YY1: variants seen among roughly 807,000 people sequenced by gnomAD.
YY1 encodes the protein transcriptional repressor protein YY1.
A neutral mutation model predicts 35.6 loss-of-function variants in YY1; 2 were observed. That is an observed-to-expected ratio of 0.06 (90% confidence interval 0.02 to 0.18). The LOEUF is 0.18. Ranked by LOEUF, YY1 falls within the 10% of genes least tolerant of loss-of-function variation. The pLI, the probability that YY1 is intolerant of heterozygous loss-of-function variation, is 1.00. For missense variants in YY1, 322 were observed against 573.4 expected (o/e 0.56, Z 4.48); for synonymous variants, 268 against 238.9 (o/e 1.12, Z -1.12).
At chr14:100,251,936 TAATA>T (rs1890931412) in intron 1 of YY1, among the ~76,000 whole-genome samples, 1 of 152,186 alleles carries the variant, frequency 6.6e-6, no homozygotes, top group Non-Finnish European at 1.5e-5. Flanking sequence ...CCTCATTGTT[TAATA>T]AATGAGGAAA....
At chr14:100,275,058 C>T (rs574992929) in intron 3 of YY1, among the ~76,000 whole-genome samples, 1 of 152,216 alleles carries the variant, frequency 6.6e-6, no homozygotes, top group East Asian at 1.9e-4. Flanking sequence ...TGGGTTGTGT[C>T]TCACCTATTG....
rs144044002 is a variant in YY1, at chr14:100,254,387, T to C, written c.680-7917T>C. ...CAAATATTGTCCTTTTGATTTCTTC[T>C]GGCAACAAAAGCCAGTGTCTTTTGT... On this transcript the variant is annotated intron_variant, in intron 1 of 4. Transcript: ENST00000262238. Among the ~76,000 whole-genome samples the C allele has an allele frequency of 5.3e-5, 8 of 152,362 alleles. No homozygotes were observed. In the East Asian group the frequency reaches 1.5e-3, roughly 29 times the overall value.
At chr14:100,251,952 C>A (rs1890931600) in intron 1 of YY1, among the ~76,000 whole-genome samples, 1 of 152,112 alleles carries the variant, frequency 6.6e-6, no homozygotes, top group South Asian at 2.1e-4. Context: ...ATGAGGAAAC[C>A]AGGCGAGGTT....
chr14:100,250,482 G>T (rs1890907971), intron 1 of YY1, among the ~76,000 whole-genome samples: 1 of 152,032 alleles, frequency 6.6e-6, no homozygotes, highest in Non-Finnish European at 1.5e-5. Context: ...GTTGGTGAAG[G>T]TGAATATAGA....
chr14:100,276,696 A>G lies in YY1; in HGVS notation c.1062+48A>G. On this transcript the variant is annotated intron_variant, in intron 4 of 4. Transcript: ENST00000262238. This position sits in a 1 kb window ranked among gnomAD's most constrained non-coding sequence, Gnocchi z 4.1. ...CCCACACTGCCTTGCCTGTCTGAAC[A>G]CTGCAAGTGTAGGTGGTGTGGTGAT... The G allele has an allele frequency of 1.9e-6, 3 of 1,613,202 alleles. No homozygotes were observed. The highest frequency in any genetic ancestry group is 1.1e-5 in the South Asian group (1 of 91,020).
chr14:100,274,845 G>A, intron 3 of YY1, 87 bp downstream of exon 3: 2 of 1,252,258 alleles, frequency 1.6e-6, no homozygotes, highest in South Asian at 1.2e-5. Flanking sequence ...GTTTCTGCTT[G>A]TGATAATTTA....
chr14:100,280,450 T>C lies in YY1; in HGVS notation c.*2850T>C, dbSNP rs1480512112. 1.3e-5 allele frequency: 2 copies of C among 152,138 alleles called. No individual in the cohort carries two copies. The highest frequency in any genetic ancestry group is 4.8e-5 in the African/African-American group (2 of 41,436). The allele number at this position is 152,138 out of a possible 1,614,324, so 9.4% of individuals were successfully genotyped here. On this transcript the variant is annotated 3_prime_UTR_variant, in exon 5 of 5. Transcript: ENST00000262238. ...CTTATTATTTCCCCCTTTTTGGTAGTGGAGTTGAGAGGGGGAGCATACTAT... is the reference window on the plus strand; with the variant it reads ...CTTATTATTTCCCCCTTTTTGGTAGCGGAGTTGAGAGGGGGAGCATACTAT...
rs555705002 is a variant in YY1 at position 100,271,301 on chromosome 14, A to G, written c.843-3397A>G. Among the ~76,000 whole-genome samples, 570 of 152,322 alleles carry G rather than the reference A, an allele frequency of 3.7e-3. 2 individuals are homozygous for G. The highest frequency in any genetic ancestry group is 6.5e-3 in the Non-Finnish European group (443 of 68,032). On this transcript the variant is annotated intron_variant, in intron 2 of 4. Transcript: ENST00000262238. Reference sequence around the variant, plus strand: ...TAAAAATAAATAATGTTTGAGTGGAATAGAGACCTTTCATATCAATCACTG... The same window carrying G: ...TAAAAATAAATAATGTTTGAGTGGAGTAGAGACCTTTCATATCAATCACTG...
At chr14:100,244,350 G>C (rs1201695492) in intron 1 of YY1, among the ~76,000 whole-genome samples, 6 of 134,142 alleles carry the variant, frequency 4.5e-5, no homozygotes, top group Non-Finnish European at 1.6e-5. Context: ...TTTTGAGACA[G>C]GGGTCTCACT....
At chr14:100,258,279 C>A (rs935816530) in intron 1 of YY1, among the ~76,000 whole-genome samples, 1 of 152,168 alleles carries the variant, frequency 6.6e-6, no homozygotes, top group Non-Finnish European at 1.5e-5. Flanking sequence ...TCAGTAGGAG[C>A]AGGCAGCCCT....
rs1891383263 is a variant in YY1 at position 100,279,631 on chromosome 14, G to A, written c.*2031G>A. The A allele has an allele frequency of 6.6e-6, 1 of 152,256 alleles. No homozygotes were observed. Among genetic ancestry groups the A allele is most frequent in the African/African-American group, 2.4e-5 (1 of 41,448 alleles). The allele number at this position is 152,256 out of a possible 1,614,324, so 9.4% of individuals were successfully genotyped here. A position where few individuals can be genotyped will look rare whatever the true frequency, so the allele number is the denominator to read the frequency against. ...GGTCTTCAGTGCCGAGGGCTCGGATGAGAACGTGTAGTTCTTTGACTTGGA... is the reference window on the plus strand; with the variant it reads ...GGTCTTCAGTGCCGAGGGCTCGGATAAGAACGTGTAGTTCTTTGACTTGGA... On this transcript the variant is annotated 3_prime_UTR_variant, in exon 5 of 5. Coordinates refer to ENST00000262238, the MANE Select transcript of YY1 (RefSeq NM_003403.5).
rs1890700131 is a variant in YY1, at chr14:100,239,831, G to GCGGCGC, written c.590_595dup (p.Gly197_Ala198dup). The GCGGCGC allele has an allele frequency of 1.3e-6, 2 of 1,486,942 alleles. No homozygotes were observed. Among genetic ancestry groups the GCGGCGC allele is most frequent in the Non-Finnish European group, 1.8e-6 (2 of 1,125,884 alleles). 92.1% of individuals were successfully genotyped at this position (1,486,942 alleles called of 1,614,324 possible). A position where few individuals can be genotyped will look rare whatever the true frequency, so the allele number is the denominator to read the frequency against. ...GGCGGGGCCGGCGCGGCGGGCGGCG[G>GCGGCGC]CGGCGCCGACCCGGGCAACAAGAAG... On this transcript the variant is annotated inframe_insertion, in exon 1 of 5. Transcript: ENST00000262238.
rs1473604562 is a variant in YY1, at chr14:100,277,789, T to C, written c.*189T>C. On this transcript the variant is annotated 3_prime_UTR_variant, in exon 5 of 5. Coordinates refer to ENST00000262238, the MANE Select transcript of YY1 (RefSeq NM_003403.5). This position sits in a 1 kb window ranked among gnomAD's most constrained non-coding sequence, Gnocchi z 5.6. ...AAAAACTTTACTAAGATGACATTGC[T>C]AAGATGCTCTATCTTGCTCTGTAAT... 2.2e-5 allele frequency: 14 copies of C among 643,248 alleles called. No homozygotes were observed. In the East Asian group the frequency reaches 3.9e-4, roughly 18 times the overall value. The allele number at this position is 643,248 out of a possible 1,614,324, so 39.8% of individuals were successfully genotyped here. A position where few individuals can be genotyped will look rare whatever the true frequency, so the allele number is the denominator to read the frequency against.
In YY1 at chr14:100,239,380, G is replaced by A. The variant is rs1252510326; in HGVS notation, c.136G>A (p.Glu46Lys). The A allele has an allele frequency of 3.1e-6, 5 of 1,601,390 alleles. No individual in the cohort carries two copies. Among genetic ancestry groups the A allele is most frequent in the East Asian group, 2.3e-5 (1 of 44,274 alleles). Reference protein sequence around the residue: ...IETTVVGEEEEEDDDDEDGGG... With the variant: ...IETTVVGEEEKEDDDDEDGGG... ...GACCACAGTGGTGGGCGAGGAGGAG[G>A]AGGAGGACGACGACGACGAGGACGG... Residue 46 changes from glutamate (E) to lysine (K), a missense_variant, in exon 1 of 5, where the codon GAG becomes AAG. Around this residue, in one of 4 missense-constraint regions of YY1, gnomAD observed 137 missense variants for 167.0 expected, o/e 0.82. Coordinates refer to ENST00000262238, the MANE Select transcript of YY1 (RefSeq NM_003403.5).
chr14:100,261,664 A>G (rs1402698851), intron 1 of YY1, among the ~76,000 whole-genome samples: 1 of 152,228 alleles, frequency 6.6e-6, no homozygotes, highest in Non-Finnish European at 1.5e-5. Flanking sequence ...TTGCATGAAT[A>G]AACACCTTGA....
chr14:100,253,460 C>G (rs1420086990), intron 1 of YY1, among the ~76,000 whole-genome samples: 1 of 152,188 alleles, frequency 6.6e-6, no homozygotes, highest in African/African-American at 2.4e-5. Flanking sequence ...CTCTGTTGCC[C>G]AGCCTGGAGT....
chr14:100,242,378 GTTTTTTTTTT>G (rs57406488), intron 1 of YY1, among the ~76,000 whole-genome samples: 19 of 109,936 alleles, frequency 1.7e-4, no homozygotes, highest in Admixed American at 3.2e-4. Context: ...TTTGTTTTTT[GTTTTTTTTTT>G]TTTTTTTTTT....
At position 100,239,399 on chromosome 14, in the gene YY1, A is replaced by C. The variant is rs1452403732; in HGVS notation, c.155A>C (p.Glu52Ala). The C allele has an allele frequency of 1.9e-6, 3 of 1,598,498 alleles. No individual in the cohort carries two copies. Among genetic ancestry groups the C allele is most frequent in the Non-Finnish European group, 2.6e-6 (3 of 1,173,586 alleles). ...GAGGAGGAGGAGGACGACGACGACG[A>C]GGACGGCGGCGGTGGCGACCACGGC... ...GEEEEEDDDDEDGGGGDHGGG... is the reference protein window; with the variant it reads ...GEEEEEDDDDADGGGGDHGGG... The change falls in exon 1 of 5, where the codon GAG (glutamate) becomes GCG (alanine). Residue 52 changes from glutamate to alanine, a missense_variant. By Grantham distance (107) the Glu-to-Ala change is moderately radical (BLOSUM62 -1). This residue lies in a region of YY1 where 137 missense variants were observed against 167.0 expected (regional missense o/e 0.82). Coordinates refer to ENST00000262238, the MANE Select transcript of YY1 (RefSeq NM_003403.5).
intron 1 of YY1, among the ~76,000 whole-genome samples, chr14:100,256,586 C>A (rs1891009390): frequency 6.6e-6 from 1 of 152,128 alleles, no homozygotes; most frequent in African/African-American, 2.4e-5. Context: ...TGAAATAAAC[C>A]AGGCATGGAT....
Sources: allele counts gnomAD v4.1 joint callset (sites outside exome capture counted in the v4.1 genomes callset), GRCh38; gene constraint gnomAD v4.1.1; regional missense constraint gnomAD v4.1.1; non-coding constraint Gnocchi (gnomAD v3.1); transcripts MANE v1.5; gene names NCBI Gene and HGNC (gene_info 2026-07-23, HGNC 2026-07-21).